Variants in SNTG1 observed in about 807,000 individuals in gnomAD.
SNTG1 encodes the protein syntrophin gamma 1.
A neutral mutation model predicts 74.7 loss-of-function variants in SNTG1; 39 were observed. The observed-to-expected ratio is 0.52, with a 90% CI of 0.40 to 0.68. SNTG1 has a LOEUF of 0.68. SNTG1 is among the 30% of genes least tolerant of loss of function. The probability of loss-of-function intolerance (pLI) is 0.00; values close to 1 mark genes in which losing one functional copy is unlikely to be tolerated. For synonymous variants in SNTG1, 254 were observed against 217.1 expected (o/e 1.17, Z -1.49); for missense variants, 685 against 609.5 (o/e 1.12, Z -1.30).
chr8:49,969,004 CAG>C (rs1382160341), intron 1 of SNTG1, among the ~76,000 whole-genome samples: 2 of 151,994 alleles, frequency 1.3e-5, no homozygotes, highest in African/African-American at 4.8e-5. Flanking sequence ...AGGAAGGGGA[CAG>C]AGAGAGAATA....
At chr8:49,973,430 G>A (rs1267250439) in intron 1 of SNTG1, among the ~76,000 whole-genome samples, 1 of 151,874 alleles carries the variant, frequency 6.6e-6, no homozygotes, top group East Asian at 1.9e-4. Context: ...GAGTTAATGG[G>A]TGCAGCACAC....
Position 50,617,388 on chromosome 8 carries a change from A to T in SNTG1, c.849+26471A>T, listed in dbSNP as rs979552257. Among the ~76,000 whole-genome samples, 116 of 151,146 alleles carry T rather than the reference A, an allele frequency of 7.7e-4. 1 individual carries two copies. In the South Asian group the frequency reaches 0.011, roughly 14 times the overall value. ...GATCAAGTAAGCATTTCACACACAC[A>T]CACACACACACACACACACACACAC... On this transcript the variant is annotated intron_variant, in intron 13 of 18. Coordinates refer to ENST00000642720, the MANE Select transcript of SNTG1 (RefSeq NM_018967.5).
At chr8:50,538,455 C>T (rs2094323062) in intron 11 of SNTG1, among the ~76,000 whole-genome samples, 1 of 152,024 alleles carries the variant, frequency 6.6e-6, no homozygotes, top group East Asian at 1.9e-4. Flanking sequence ...CCTTAGTTTT[C>T]ATTTATCTGA....
At chr8:50,133,416 C>A (rs923528295) in intron 1 of SNTG1, among the ~76,000 whole-genome samples, 21 of 152,166 alleles carry the variant, frequency 1.4e-4, no homozygotes, top group African/African-American at 2.4e-5. Flanking sequence ...AATTCCAAAG[C>A]CACTTCCACA....
chr8:50,446,845 C>G (rs2093412544), intron 5 of SNTG1, among the ~76,000 whole-genome samples: 1 of 152,106 alleles, frequency 6.6e-6, no homozygotes, highest in South Asian at 2.1e-4. Flanking sequence ...AGATGCATTC[C>G]AAGACCCCAG....
intron 1 of SNTG1, among the ~76,000 whole-genome samples, chr8:50,135,928 ACTGT>A (rs773052099): frequency 1.2e-4 from 19 of 152,004 alleles, no homozygotes; most frequent in Non-Finnish European, 2.6e-4. Context: ...AGTAGGTCCC[ACTGT>A]CTGTTGTTCT....
chr8:50,518,297 A>T (rs2094150970), intron 9 of SNTG1, among the ~76,000 whole-genome samples: 1 of 152,232 alleles, frequency 6.6e-6, no homozygotes, highest in Non-Finnish European at 1.5e-5. Flanking sequence ...TCTGGGACAC[A>T]GCTAAAGTAG....
chr8:50,409,846 A>G (rs2092925190), intron 4 of SNTG1, among the ~76,000 whole-genome samples: 1 of 152,254 alleles, frequency 6.6e-6, no homozygotes, highest in Admixed American at 6.5e-5. Flanking sequence ...CACCAGTTTC[A>G]AAGGTGTTGC....
At chr8:50,272,353 C>G (rs1160086807) in intron 2 of SNTG1, among the ~76,000 whole-genome samples, 2 of 152,158 alleles carry the variant, frequency 1.3e-5, no homozygotes, top group Non-Finnish European at 2.9e-5. Flanking sequence ...TTTTTTGTAG[C>G]TCACATATAC....
chr8:50,269,847 A>T (rs1372342725), intron 2 of SNTG1, among the ~76,000 whole-genome samples: 1 of 152,156 alleles, frequency 6.6e-6, no homozygotes, highest in Non-Finnish European at 1.5e-5. Flanking sequence ...TACATAAAAG[A>T]CGTATACACA....
At chr8:50,605,738 C>A (rs935245744) in intron 13 of SNTG1, among the ~76,000 whole-genome samples, 7 of 152,102 alleles carry the variant, frequency 4.6e-5, no homozygotes, top group Non-Finnish European at 8.8e-5. Context: ...TTCTTTCAAT[C>A]GTGCTATTTG....
At chr8:50,504,152 A>G (rs60680388) in intron 9 of SNTG1, among the ~76,000 whole-genome samples, 6,026 of 152,214 alleles carry the variant, frequency 0.04, 127 homozygotes, top group Middle Eastern at 0.11. Context: ...CCATCCATCC[A>G]TGTCCCTGCA....
At chr8:50,511,867 C>G (rs1438784754) in intron 9 of SNTG1, among the ~76,000 whole-genome samples, 1 of 152,138 alleles carries the variant, frequency 6.6e-6, no homozygotes, top group Non-Finnish European at 1.5e-5. Context: ...GACTCTTTAT[C>G]CAATTTGCCA....
At chr8:49,932,410 T>A (rs1475032552) in intron 1 of SNTG1, among the ~76,000 whole-genome samples, 3 of 152,120 alleles carry the variant, frequency 2.0e-5, no homozygotes, top group Admixed American at 2.0e-4. Flanking sequence ...ACACATATAA[T>A]ATCTTCACTG....
In SNTG1 at chr8:50,537,424, C is replaced by A. The variant is rs144698301; in HGVS notation, c.680+616C>A. ...TGGTCTAAATTATAAGATTTATTTT[C>A]TGCTTTTAATATTCTTATATTATTA... On this transcript the variant is annotated intron_variant, in intron 11 of 18. Transcript: ENST00000642720. Among the ~76,000 whole-genome samples the A allele has an allele frequency of 2.8e-3, 425 of 152,274 alleles. 3 individuals carry two copies. Among genetic ancestry groups the A allele is most frequent in the African/African-American group, 9.8e-3 (409 of 41,566 alleles).
chr8:50,072,358 G>A (rs1190141336), intron 1 of SNTG1, among the ~76,000 whole-genome samples: 3 of 152,094 alleles, frequency 2.0e-5, no homozygotes, highest in African/African-American at 7.2e-5. Flanking sequence ...ATACAGAGTG[G>A]TTCTATTCCA....
chr8:50,217,209 G>A (rs1027914226), intron 2 of SNTG1, among the ~76,000 whole-genome samples: 1 of 151,946 alleles, frequency 6.6e-6, no homozygotes, highest in African/African-American at 2.4e-5. Context: ...TTTATGAATG[G>A]TTAATATACT....
chr8:49,998,282 G>A (rs1159721077), intron 1 of SNTG1, among the ~76,000 whole-genome samples: 2 of 152,286 alleles, frequency 1.3e-5, no homozygotes, highest in African/African-American at 2.4e-5. Flanking sequence ...AGTGGTGACT[G>A]AATGTGAAGG....
At chr8:50,016,355 C>T (rs561654866) in intron 1 of SNTG1, among the ~76,000 whole-genome samples, 4 of 152,166 alleles carry the variant, frequency 2.6e-5, no homozygotes, top group African/African-American at 9.6e-5. Flanking sequence ...CATGAGGCAC[C>T]CACTTATCAA....
Sources: allele counts gnomAD v4.1 joint callset (sites outside exome capture counted in the v4.1 genomes callset), GRCh38; gene constraint gnomAD v4.1.1; transcripts MANE v1.5; gene names NCBI Gene and HGNC (gene_info 2026-07-23, HGNC 2026-07-21).